CHD9: variants seen among roughly 807,000 people sequenced by gnomAD.
CHD9 encodes chromodomain helicase DNA binding protein 9, also known as ATP-dependent chromatin remodeler CHD9.
A neutral mutation model predicts 316.1 loss-of-function variants in CHD9; 77 were observed. The ratio of observed to expected loss-of-function variants is 0.24; its 90% CI spans 0.20 to 0.29. The LOEUF is 0.29. CHD9 is among the 10% of genes least tolerant of loss of function. The pLI is 1.00. For synonymous variants in CHD9, 1,129 were observed against 1,158.3 expected, an observed-to-expected ratio of 0.97 and a Z score of 0.51; for missense variants, 2,763 against 3,438.1, an observed-to-expected ratio of 0.80 and a Z score of 4.91.
At chr16:53,143,397 T>C (rs1310700007) in intron 1 of CHD9, among the ~76,000 whole-genome samples, 5 of 140,560 alleles carry the variant, frequency 3.6e-5, no homozygotes, top group Non-Finnish European at 7.9e-5. Flanking sequence ...TTTATTTATT[T>C]ATTTATCTGA....
At chr16:53,189,434 C>G (rs1257816675) in intron 2 of CHD9, among the ~76,000 whole-genome samples, 1 of 151,962 alleles carries the variant, frequency 6.6e-6, no homozygotes, top group Admixed American at 6.6e-5. Context: ...TATTTGTGAT[C>G]ATTTTAGTTT....
intron 1 of CHD9, among the ~76,000 whole-genome samples, chr16:53,141,927 T>C (rs1049866496): frequency 2.0e-5 from 3 of 152,170 alleles, no homozygotes; most frequent in African/African-American, 7.2e-5. Context: ...TGAGAAAGTT[T>C]GTTGAATTCA....
intron 1 of CHD9, among the ~76,000 whole-genome samples, chr16:53,146,976 C>T (rs2040683633): frequency 6.6e-6 from 1 of 151,790 alleles, no homozygotes; most frequent in Non-Finnish European, 1.5e-5. Flanking sequence ...TCCCTCTCCC[C>T]CACCAAAAAA....
At chr16:53,058,445 A>T (rs12933494) in intron 1 of CHD9, among the ~76,000 whole-genome samples, 32,705 of 152,134 alleles carry the variant, frequency 0.21, 3,867 homozygotes, top group South Asian at 0.35. Flanking sequence ...ACAGAAACAC[A>T]CATAAACAAA....
At chr16:53,061,811 C>T (rs1596842266) in intron 1 of CHD9, among the ~76,000 whole-genome samples, 1 of 152,266 alleles carries the variant, frequency 6.6e-6, no homozygotes, top group Middle Eastern at 3.4e-3. Flanking sequence ...CAGGTAACCT[C>T]GGGTGAGCTG....
chr16:53,286,380 C>T (rs2053877852), intron 26 of CHD9, 37 bp downstream of exon 26: 1 of 1,071,432 alleles, frequency 9.3e-7, no homozygotes, highest in Non-Finnish European at 1.4e-6. Context: ...TTCTATATAT[C>T]TCTCTTCTAT....
At chr16:53,136,760 A>T (rs2039745249) in intron 1 of CHD9, among the ~76,000 whole-genome samples, 1 of 152,084 alleles carries the variant, frequency 6.6e-6, no homozygotes, top group Non-Finnish European at 1.5e-5. Flanking sequence ...GTGAGTGTTT[A>T]TTGAAATCAG....
chr16:53,169,671 TG>T (rs1375694984), intron 2 of CHD9, among the ~76,000 whole-genome samples: 1 of 152,218 alleles, frequency 6.6e-6, no homozygotes, highest in Non-Finnish European at 1.5e-5. Flanking sequence ...GTAGACATCA[TG>T]GAGATGTTGC....
intron 1 of CHD9, among the ~76,000 whole-genome samples, chr16:53,124,266 A>AT (rs1394594459): frequency 1.3e-5 from 2 of 152,118 alleles, no homozygotes; most frequent in Non-Finnish European, 2.9e-5. Context: ...CATGCTGCTA[A>AT]TAAGGGCATA....
chr16:53,319,384 A>C (rs2057110670), intron 37 of CHD9, among the ~76,000 whole-genome samples: 1 of 152,228 alleles, frequency 6.6e-6, no homozygotes. Flanking sequence ...AATTAGAAGA[A>C]AACTATTTTA....
At chr16:53,226,634 GTTAA>G (rs1424781389) in intron 5 of CHD9, 122 bp downstream of exon 5, 12 of 1,034,382 alleles carry the variant, frequency 1.2e-5, no homozygotes, top group African/African-American at 1.7e-5. Context: ...CATATTATTA[GTTAA>G]TTGAGTCATT....
At chr16:53,248,116 G>A (rs543828816) in intron 16 of CHD9, 6 of 151,772 alleles carry the variant, frequency 4.0e-5, no homozygotes, top group African/African-American at 1.5e-4. Context: ...CATGAGGTCA[G>A]GAGATCAAGA....
rs183610920 is a variant in CHD9, at chr16:53,300,874, G to A, written c.5714-2846G>A. 6.6e-5 allele frequency among the ~76,000 whole-genome samples: 10 copies of A among 152,236 alleles called. No individual in the cohort carries two copies. In the East Asian group the frequency reaches 1.9e-3, roughly 29 times the overall value. ...TAATCCCCACATTTTGGTAGGCCAA[G>A]GCAGGTGGGGCAACATGGTGAAACC... On this transcript the variant is annotated intron_variant, in intron 30 of 38. Coordinates refer to ENST00000447540, the MANE Select transcript of CHD9 (RefSeq NM_001308319.2).
At position 53,318,209 on chromosome 16, in the gene CHD9, T is replaced by C; in HGVS notation, c.7585-3T>C. ...AAGATATGTCTTTATCTATATATTT[T>C]AGAGAATGCAGCTTCATGAGGGAAG... is the stretch of plus-strand genomic sequence containing the variant. On this transcript the variant is annotated splice_polypyrimidine_tract_variant and splice_region_variant and intron_variant, in intron 36 of 38. Coordinates refer to ENST00000447540, the MANE Select transcript of CHD9 (RefSeq NM_001308319.2). The C allele has an allele frequency of 6.2e-7, 1 of 1,606,896 alleles. No individual in the cohort carries two copies. Among genetic ancestry groups the C allele is most frequent in the Admixed American group, 1.7e-5 (1 of 58,514 alleles).
At chr16:53,225,101 G>A (rs2047541541) in intron 4 of CHD9, among the ~76,000 whole-genome samples, 1 of 152,072 alleles carries the variant, frequency 6.6e-6, no homozygotes, top group Admixed American at 6.5e-5. Context: ...AGAGAAAGGG[G>A]CAGAGGCATG....
At chr16:53,154,841 T>C (rs1256021097) in intron 1 of CHD9, among the ~76,000 whole-genome samples, 1 of 152,174 alleles carries the variant, frequency 6.6e-6, no homozygotes, top group African/African-American at 2.4e-5. Context: ...GTTCTAGAGT[T>C]GTCATTTGTG....
chr16:53,251,707 A>G (rs2050142893), intron 17 of CHD9, among the ~76,000 whole-genome samples: 1 of 152,254 alleles, frequency 6.6e-6, no homozygotes, highest in Non-Finnish European at 1.5e-5. Context: ...GATTTATCAT[A>G]CAAAGTTTAA....
chr16:53,210,892 A>G (rs915749901), intron 3 of CHD9, among the ~76,000 whole-genome samples: 2 of 152,096 alleles, frequency 1.3e-5, no homozygotes, highest in African/African-American at 4.8e-5. Flanking sequence ...ATAGATTAAT[A>G]ATCATATTGA....
intron 1 of CHD9, among the ~76,000 whole-genome samples, chr16:53,084,182 G>A (rs1165648881): frequency 2.0e-5 from 3 of 152,166 alleles, no homozygotes; most frequent in Admixed American, 6.6e-5. Flanking sequence ...GTGAGCCACC[G>A]CACCAGTAGA....
Sources: allele counts gnomAD v4.1 joint callset (sites outside exome capture counted in the v4.1 genomes callset), GRCh38; gene constraint gnomAD v4.1.1; transcripts MANE v1.5; gene names NCBI Gene and HGNC (gene_info 2026-07-23, HGNC 2026-07-21).